CRPPA: variants seen among roughly 807,000 people sequenced by gnomAD.
CRPPA encodes D-ribitol-5-phosphate cytidylyltransferase.
Under a neutral mutation model 52.0 loss-of-function variants are expected in CRPPA, and 43 were observed. The observed-to-expected ratio is 0.83, with a 90% CI of 0.65 to 1.07. The LOEUF is 1.07. Ranked by LOEUF, CRPPA falls within the 50% of genes least tolerant of loss-of-function variation. The pLI is 0.00. For missense variants in CRPPA, 629 were observed against 551.7 expected (o/e 1.14, Z -1.40); for synonymous variants, 250 against 203.5 (o/e 1.23, Z -1.94).
intron 2 of CRPPA, among the ~76,000 whole-genome samples, chr7:16,391,272 C>A (rs1195801429): frequency 2.0e-5 from 3 of 152,080 alleles, no homozygotes; most frequent in Non-Finnish European, 4.4e-5. Context: ...GAATGCTGTC[C>A]TTGATTTCTC....
At chr7:16,341,051 T>A (rs1369300602) in intron 3 of CRPPA, among the ~76,000 whole-genome samples, 4 of 152,066 alleles carry the variant, frequency 2.6e-5, no homozygotes, top group African/African-American at 9.7e-5. Context: ...AAAGGCAAGC[T>A]ACGGAGACAG....
At chr7:16,239,558 G>GAAAAAAAAA (rs1783048039) in intron 8 of CRPPA, among the ~76,000 whole-genome samples, 1 of 16,718 alleles carries the variant, frequency 6.0e-5, no homozygotes, top group African/African-American at 2.3e-4. Context: ...GAAGTCAATA[G>GAAAAAAAAA]CAAAAAAAAA....
rs5882567 is a variant in CRPPA, at chr7:16,326,061, CAA to C, written c.685-17436_685-17435del. Among the ~76,000 whole-genome samples the C allele has an allele frequency of 3.6e-4, 49 of 135,642 alleles. No individual in the cohort carries two copies. The East Asian group carries it at 4.5e-3, about 12-fold the overall frequency. The allele number at this position is 135,642 out of a possible 152,430, so 89.0% of individuals were successfully genotyped here. A position where few individuals can be genotyped will look rare whatever the true frequency, so the allele number is the denominator to read the frequency against. ...AAATATGCTTTAAGTAAGAAAATCT[CAA>C]AAAAAAAAAAAAAGCTCAGTGACAG... On this transcript the variant is annotated intron_variant, in intron 3 of 9. Coordinates refer to ENST00000407010, the MANE Select transcript of CRPPA (RefSeq NM_001101426.4).
rs5882568 is a variant in CRPPA at position 16,346,521 on chromosome 7, GA to G, written c.684+29570del. On this transcript the variant is annotated intron_variant, in intron 3 of 9. Transcript: ENST00000407010. The stretch of plus-strand genomic sequence containing the variant: ...TCATGCAAGAAAGTTCATAGCAAGA[GA>G]AAAAAAAATGATAAGAAAAGCTAAG... Among the ~76,000 whole-genome samples, 64 of 150,576 alleles carry G rather than the reference GA, an allele frequency of 4.3e-4. No individual in the cohort carries two copies. In the South Asian group the frequency reaches 0.012, roughly 29 times the overall value.
At chr7:16,292,171 G>A (rs772592859) in intron 5 of CRPPA, among the ~76,000 whole-genome samples, 10 of 151,744 alleles carry the variant, frequency 6.6e-5, no homozygotes, top group Non-Finnish European at 1.2e-4. Context: ...TCTCTTAACC[G>A]TACTCTAAAT....
chr7:16,087,790 C>T lies in CRPPA; in HGVS notation c.*3905G>A, dbSNP rs539980103. The T allele has an allele frequency of 6.6e-6, 1 of 152,212 alleles. No homozygotes were observed. The highest frequency in any genetic ancestry group is 1.9e-4 in the East Asian group (1 of 5,184). 9.4% of individuals were successfully genotyped at this position (152,212 alleles called of 1,614,324 possible). ...TTATTCTGTTTTCAAATTAAACTTT[C>T]TAAATAACTTCTATCTTTCTTCTTG... On this transcript the variant is annotated 3_prime_UTR_variant, in exon 10 of 10. Transcript: ENST00000407010.
chr7:16,310,710 A>C (rs1785017347), intron 3 of CRPPA, among the ~76,000 whole-genome samples: 1 of 152,170 alleles, frequency 6.6e-6, no homozygotes, highest in South Asian at 2.1e-4. Flanking sequence ...GATATTCCAA[A>C]GATGAACAAC....
intron 3 of CRPPA, among the ~76,000 whole-genome samples, chr7:16,330,087 A>G (rs1473543560): frequency 2.0e-5 from 3 of 152,228 alleles, no homozygotes; most frequent in South Asian, 2.1e-4. Flanking sequence ...GAAGATCACA[A>G]TGAAATGTAT....
chr7:16,154,814 T>A (rs1462124524), intron 9 of CRPPA, among the ~76,000 whole-genome samples: 1 of 151,662 alleles, frequency 6.6e-6, no homozygotes, highest in East Asian at 1.9e-4. Context: ...TGGGTCTTTT[T>A]TTTTTTTTTT....
chr7:16,177,110 A>C (rs2128386648), intron 9 of CRPPA, among the ~76,000 whole-genome samples: 1 of 152,278 alleles, frequency 6.6e-6, no homozygotes, highest in African/African-American at 2.4e-5. Context: ...CAAAACTATA[A>C]TGACAGAAGA....
intron 9 of CRPPA, among the ~76,000 whole-genome samples, chr7:16,157,124 A>G (rs1266340624): frequency 2.0e-5 from 3 of 152,102 alleles, no homozygotes; most frequent in Non-Finnish European, 4.4e-5. Flanking sequence ...TCAGAAGGAG[A>G]AGAAATATTT....
chr7:16,270,562 C>T (rs1181394178), intron 6 of CRPPA: 1 of 152,060 alleles, frequency 6.6e-6, no homozygotes, highest in Non-Finnish European at 1.5e-5. Flanking sequence ...GAGAATTGCT[C>T]AGGAAATCTG....
intron 9 of CRPPA, among the ~76,000 whole-genome samples, chr7:16,129,732 C>T (rs1339753924): frequency 2.0e-5 from 3 of 152,136 alleles, no homozygotes; most frequent in Non-Finnish European, 2.9e-5. Context: ...AATAGAACCT[C>T]GGTTTCTGGA....
At chr7:16,142,424 G>A (rs930478465) in intron 9 of CRPPA, among the ~76,000 whole-genome samples, 2 of 152,072 alleles carry the variant, frequency 1.3e-5, no homozygotes, top group Admixed American at 1.3e-4. Flanking sequence ...CAAGAATAAA[G>A]TTCTACATTA....
At chr7:16,296,556 T>C (rs146621082) in intron 5 of CRPPA, among the ~76,000 whole-genome samples, 165 of 152,130 alleles carry the variant, frequency 1.1e-3, no homozygotes, top group African/African-American at 3.4e-3. Flanking sequence ...CAGGAATAAC[T>C]GTTATTTGAG....
chr7:16,421,292 G>T lies in CRPPA; in HGVS notation c.31C>A (p.Pro11Thr). 2 of 1,268,966 alleles carry T rather than the reference G, an allele frequency of 1.6e-6. No individual in the cohort carries two copies. Among genetic ancestry groups the T allele is most frequent in the South Asian group, 3.1e-5 (1 of 32,546 alleles). The allele number at this position is 1,268,966 out of a possible 1,614,324, so 78.6% of individuals were successfully genotyped here. The change falls in exon 1 of 10, where the codon CCG (proline) becomes ACG (threonine). Residue 11 changes from proline (P) to threonine (T), a missense_variant. Coordinates refer to ENST00000407010, the MANE Select transcript of CRPPA (RefSeq NM_001101426.4). MEAGPPGSAR[P>T]AEPGPCLSGQ... Reference sequence around the variant, plus strand: ...CTCAGGCAAGGACCCGGCTCCGCCGGCCTGGCGCTGCCCGGCGGCCCGGCC... The same window carrying T: ...CTCAGGCAAGGACCCGGCTCCGCCGTCCTGGCGCTGCCCGGCGGCCCGGCC...
chr7:16,272,044 A>G (rs1344729915), intron 6 of CRPPA, among the ~76,000 whole-genome samples: 1 of 152,224 alleles, frequency 6.6e-6, no homozygotes, highest in African/African-American at 2.4e-5. Context: ...AACTGGGAAG[A>G]AGTGAGAGAG....
chr7:16,332,153 ATAT>A (rs1275032738), intron 3 of CRPPA, among the ~76,000 whole-genome samples: 8 of 152,218 alleles, frequency 5.3e-5, no homozygotes, highest in Non-Finnish European at 8.8e-5. Flanking sequence ...TTGTTGAGTA[ATAT>A]TATTTTTTTG....
intron 9 of CRPPA, among the ~76,000 whole-genome samples, chr7:16,170,872 G>T (rs1177755890): frequency 1.3e-5 from 2 of 152,208 alleles, no homozygotes; most frequent in Admixed American, 6.5e-5. Flanking sequence ...GAGTGTGGGG[G>T]TCCCTTCAGC....
Sources: gnomAD v4.1 joint callset for allele counts (sites outside exome capture counted in the v4.1 genomes callset) on GRCh38, gnomAD v4.1.1 for gene constraint, MANE v1.5 for transcripts, NCBI Gene and HGNC (gene_info 2026-07-23, HGNC 2026-07-21) for gene names.